The following AGMO variants were observed in gnomAD, a reference collection of about 807,000 sequenced individuals.
AGMO encodes the protein glyceryl-ether monooxygenase.
A neutral mutation model predicts 60.2 loss-of-function variants in AGMO; 75 were observed. That is an observed-to-expected ratio of 1.25 (90% CI 1.03 to 1.51). The LOEUF (loss-of-function observed/expected upper bound fraction) is 1.51. AGMO is among the 40% of genes most tolerant of loss of function. The pLI, the probability that AGMO is intolerant of heterozygous loss-of-function variation, is 0.00. For synonymous variants in AGMO, 261 were observed against 177.1 expected (o/e 1.47, Z -3.76); for missense variants, 763 against 525.5 (o/e 1.45, Z -4.42).
chr7:15,235,420 T>TTA (rs1387700724), intron 12 of AGMO, among the ~76,000 whole-genome samples: 10 of 152,154 alleles, frequency 6.6e-5, no homozygotes, highest in African/African-American at 2.4e-4. Flanking sequence ...ACTATTTGCT[T>TTA]TATCAAGTAA....
intron 5 of AGMO, among the ~76,000 whole-genome samples, chr7:15,404,839 T>C (rs1784644563): frequency 6.6e-6 from 1 of 151,930 alleles, no homozygotes; most frequent in Non-Finnish European, 1.5e-5. Context: ...TGACATCATC[T>C]GAGCATTAGA....
intron 12 of AGMO, among the ~76,000 whole-genome samples, chr7:15,205,662 A>G (rs939298673): frequency 1.3e-5 from 2 of 152,116 alleles, no homozygotes; most frequent in Non-Finnish European, 2.9e-5. Flanking sequence ...TTTCGTGAAG[A>G]TGTCAGACTT....
At chr7:15,454,268 C>T (rs1781937763) in intron 3 of AGMO, among the ~76,000 whole-genome samples, 1 of 151,902 alleles carries the variant, frequency 6.6e-6, no homozygotes, top group Admixed American at 6.6e-5. Flanking sequence ...ACAATACTGT[C>T]TTGTATACTT....
chr7:15,209,927 C>A (rs1450412570), intron 12 of AGMO, among the ~76,000 whole-genome samples: 2 of 152,060 alleles, frequency 1.3e-5, no homozygotes, highest in African/African-American at 4.8e-5. Flanking sequence ...TACATAAACA[C>A]TACAAACATT....
At chr7:15,504,114 A>C (rs944535637) in intron 3 of AGMO, among the ~76,000 whole-genome samples, 2 of 151,910 alleles carry the variant, frequency 1.3e-5, no homozygotes, top group African/African-American at 4.8e-5. Flanking sequence ...AGATCTAAAA[A>C]GAATACATTT....
At chr7:15,514,568 G>A (rs550169252) in intron 3 of AGMO, among the ~76,000 whole-genome samples, 1 of 152,156 alleles carries the variant, frequency 6.6e-6, no homozygotes, top group African/African-American at 2.4e-5. Flanking sequence ...TAAAATCACT[G>A]CTCTAAAAAT....
At chr7:15,182,236 G>A in the AGMO span, among the ~76,000 whole-genome samples, 1 of 152,084 alleles carries the variant, frequency 6.6e-6, no homozygotes, top group Non-Finnish European at 1.5e-5. Flanking sequence ...ATGGGTACAG[G>A]ATTTCAGTTT....
chr7:15,267,818 G>A (rs1228899975), intron 12 of AGMO, among the ~76,000 whole-genome samples: 2 of 151,910 alleles, frequency 1.3e-5, no homozygotes, highest in African/African-American at 2.4e-5. Flanking sequence ...TTCCCAAAAC[G>A]CTAAAGCAGA....
intron 3 of AGMO, among the ~76,000 whole-genome samples, chr7:15,440,819 A>T (rs747018079): frequency 6.6e-6 from 1 of 152,206 alleles, no homozygotes; most frequent in Non-Finnish European, 1.5e-5. Context: ...AATCTATTAC[A>T]AAGTTATATT....
At chr7:15,346,210 C>G (rs1160282365) in intron 12 of AGMO, among the ~76,000 whole-genome samples, 1 of 152,084 alleles carries the variant, frequency 6.6e-6, no homozygotes, top group Non-Finnish European at 1.5e-5. Context: ...AACTTTCAAT[C>G]AGCAATGTAA....
the AGMO span, among the ~76,000 whole-genome samples, chr7:15,176,303 T>A: frequency 6.6e-6 from 1 of 151,942 alleles, no homozygotes; most frequent in Admixed American, 6.6e-5. Context: ...ATAGATGGAC[T>A]AAGACAGAAG....
At chr7:15,331,987 T>C (rs550040159) in intron 12 of AGMO, among the ~76,000 whole-genome samples, 2 of 152,050 alleles carry the variant, frequency 1.3e-5, no homozygotes, top group Admixed American at 1.3e-4. Flanking sequence ...AGGTGAAATA[T>C]GCTGCCCCAA....
At chr7:15,381,550 A>G (rs1783686232) in intron 10 of AGMO, among the ~76,000 whole-genome samples, 1 of 152,208 alleles carries the variant, frequency 6.6e-6, no homozygotes, top group African/African-American at 2.4e-5. Flanking sequence ...TTGTGGAGAT[A>G]AAGGAATGCT....
intron 3 of AGMO, among the ~76,000 whole-genome samples, chr7:15,495,738 G>T (rs1454048602): frequency 6.6e-6 from 1 of 151,942 alleles, no homozygotes; most frequent in Non-Finnish European, 1.5e-5. Context: ...TGCTAGTAAG[G>T]CCTTCTTCCT....
chr7:15,383,374 T>C (rs1046044154), intron 10 of AGMO, among the ~76,000 whole-genome samples: 2 of 151,292 alleles, frequency 1.3e-5, no homozygotes, highest in Non-Finnish European at 2.9e-5. Flanking sequence ...TCAGTTACGT[T>C]AGTTAATAAA....
intron 3 of AGMO, among the ~76,000 whole-genome samples, chr7:15,488,379 T>C (rs1332824972): frequency 6.6e-6 from 1 of 152,216 alleles, no homozygotes; most frequent in African/African-American, 2.4e-5. Flanking sequence ...GTTTTTGCTT[T>C]TGTCTTTCAG....
the AGMO span, among the ~76,000 whole-genome samples, chr7:15,164,039 T>TA: frequency 1.1e-4 from 16 of 152,106 alleles, no homozygotes; most frequent in Non-Finnish European, 2.2e-4. Context: ...GGTACTTGTA[T>TA]AAAAATAGAC....
chr7:15,463,050 G>A (rs553745299), intron 3 of AGMO, among the ~76,000 whole-genome samples: 12 of 152,192 alleles, frequency 7.9e-5, no homozygotes, highest in Non-Finnish European at 1.5e-4. Context: ...ATCGAGAGTG[G>A]ATAACTGGAA....
At chr7:15,445,303 A>G (rs1781668221) in intron 3 of AGMO, among the ~76,000 whole-genome samples, 1 of 152,194 alleles carries the variant, frequency 6.6e-6, no homozygotes, top group Non-Finnish European at 1.5e-5. Context: ...AGAAAAGTTC[A>G]TGAAGAACAT....
Sources: allele counts gnomAD v4.1 joint callset (sites outside exome capture counted in the v4.1 genomes callset), GRCh38; gene constraint gnomAD v4.1.1; transcripts MANE v1.5; gene names NCBI Gene and HGNC (gene_info 2026-07-23, HGNC 2026-07-21).